The following CBLL2 variants were observed in gnomAD, a reference collection of about 807,000 sequenced individuals.
The protein encoded by CBLL2 is E3 ubiquitin-protein ligase CBLL2.
For missense variants in CBLL2, 347 were observed against 343.2 expected (o/e 1.01, Z -0.09); for synonymous variants, 123 against 124.9 (o/e 0.98, Z 0.10).
At position 22,273,363 on chromosome X, in the gene CBLL2, C is replaced by T. The variant is rs765752654; in HGVS notation, c.372C>T (p.Tyr124=). The stretch of plus-strand genomic sequence containing the variant: ...TTGTTCAGCAGTGCAAGAGAACATA[C>T]TTGTCTCAGAAAAGCTTACAGGCTC... ...CSIVQQCKRT[Y]LSQKSLQAHI... is the part of the protein sequence containing the mutation. Residue 124 remains tyrosine, a synonymous_variant, in exon 1 of 1, where the codon TAC becomes TAT. Coordinates refer to ENST00000323684, the MANE Select transcript of CBLL2 (RefSeq NM_152577.4). The T allele has an allele frequency of 8.3e-7, 1 of 1,211,903 alleles. No homozygotes were observed. Among genetic ancestry groups the T allele is most frequent in the South Asian group, 1.8e-5 (1 of 56,975 alleles).
chrX:22,274,416 C>T lies in CBLL2; in HGVS notation c.*147C>T, dbSNP rs925030495. 7 of 425,882 alleles carry T rather than the reference C, an allele frequency of 1.6e-5. No homozygotes were observed. In the South Asian group the frequency reaches 4.6e-4, roughly 28 times the overall value. 35.1% of individuals were successfully genotyped at this position (425,882 alleles called of 1,213,427 possible). A position where few individuals can be genotyped will look rare whatever the true frequency, so the allele number is the denominator to read the frequency against. ...TGTGGTAAATTGACCTAAAGGTGAC[C>T]TCTGACGATTTCCTGAAATAAATAT... On this transcript the variant is annotated 3_prime_UTR_variant, in exon 1 of 1. Coordinates refer to ENST00000323684, the MANE Select transcript of CBLL2 (RefSeq NM_152577.4).
In CBLL2 at chrX:22,274,282, T is replaced by C. The variant is rs1410065475; in HGVS notation, c.*13T>C. 8.5e-7 allele frequency: 1 copy of C among 1,180,697 alleles called. No individual in the cohort carries two copies. The highest frequency in any genetic ancestry group is 1.1e-6 in the Non-Finnish European group (1 of 877,056). On this transcript the variant is annotated 3_prime_UTR_variant, in exon 1 of 1. Coordinates refer to ENST00000323684, the MANE Select transcript of CBLL2 (RefSeq NM_152577.4). The stretch of plus-strand genomic sequence containing the variant: ...TAGACGGTATTAAGGATGATAACAG[T>C]ATTTGGAACTGAAGACCTGATGGGA...
At position 22,273,828 on chromosome X, in the gene CBLL2, A is replaced by G; in HGVS notation, c.837A>G (p.Lys279=). The G allele has an allele frequency of 8.3e-7, 1 of 1,211,130 alleles. No individual in the cohort carries two copies. The highest frequency in any genetic ancestry group is 1.1e-6 in the Non-Finnish European group (1 of 895,348). The change falls in exon 1 of 1, where the codon AAA becomes AAG. Residue 279 remains lysine (K), a synonymous_variant. Coordinates refer to ENST00000323684, the MANE Select transcript of CBLL2 (RefSeq NM_152577.4). ...CCCCTCATCATATTATACCTCAGAA[A>G]CAGCATTATGCGCCACCTCCATCTC... ...VSSPHHIIPQ[K]QHYAPPPSPS... is the part of the protein sequence containing the mutation.
Position 22,273,206 on chromosome X carries a change from C to T in CBLL2, c.215C>T (p.Pro72Leu), listed in dbSNP as rs759730992. 8.3e-7 allele frequency: 1 copy of T among 1,210,642 alleles called. No homozygotes were observed. Among genetic ancestry groups the T allele is most frequent in the Non-Finnish European group, 1.1e-6 (1 of 894,862 alleles). Residue 72 changes from proline to leucine, a missense_variant, in exon 1 of 1, where the codon CCG becomes CTG. By Grantham distance (98) the Pro-to-Leu change is moderately conservative (BLOSUM62 -3). Coordinates refer to ENST00000323684, the MANE Select transcript of CBLL2 (RefSeq NM_152577.4). Reference protein sequence around the residue: ...LPIKIYGRIIPCKHAFCYHCA... With the variant: ...LPIKIYGRIILCKHAFCYHCA... ...ATTAAAATCTATGGGCGAATAATTC[C>T]GTGCAAGCATGCTTTTTGCTATCAC...
rs1028728484 is a variant in CBLL2, at chrX:22,274,346, G to A, written c.*77G>A. On this transcript the variant is annotated 3_prime_UTR_variant, in exon 1 of 1. Transcript: ENST00000323684. The stretch of plus-strand genomic sequence containing the variant: ...GTTCTATACTGTACTGTGGATAAGC[G>A]GCTCAGTTCAGCAGAGCTGGAGTTG... 85 of 956,894 alleles carry A rather than the reference G, an allele frequency of 8.9e-5. No individual in the cohort carries two copies. The highest frequency in any genetic ancestry group is 1.1e-4 in the Non-Finnish European group (80 of 701,954). 78.9% of individuals were successfully genotyped at this position (956,894 alleles called of 1,213,427 possible).
In CBLL2 at chrX:22,273,021, A is replaced by G. The variant is rs1192007984; in HGVS notation, c.30A>G (p.Glu10=). The G allele has an allele frequency of 8.4e-7, 1 of 1,193,127 alleles. No homozygotes were observed. Among genetic ancestry groups the G allele is most frequent in the Non-Finnish European group, 1.1e-6 (1 of 888,038 alleles). The change falls in exon 1 of 1, where the codon GAA becomes GAG. Residue 10 remains glutamate (E), a synonymous_variant. Coordinates refer to ENST00000323684, the MANE Select transcript of CBLL2 (RefSeq NM_152577.4). MNKMPAGEQ[E]CEYNKEGKYY... ...ACAAGATGCCTGCTGGTGAACAAGA[A>G]TGTGAATATAACAAAGAAGGGAAGT...
chrX:22,273,205 C>A lies in CBLL2; in HGVS notation c.214C>A (p.Pro72Thr). Residue 72 changes from proline (P) to threonine (T), a missense_variant, in exon 1 of 1, where the codon CCG (proline) becomes ACG (threonine). Pro to Thr is a conservative substitution (Grantham distance 38). Coordinates refer to ENST00000323684, the MANE Select transcript of CBLL2 (RefSeq NM_152577.4). ...TATTAAAATCTATGGGCGAATAATT[C>A]CGTGCAAGCATGCTTTTTGCTATCA... is the stretch of plus-strand genomic sequence containing the variant. ...LPIKIYGRII[P>T]CKHAFCYHCA... The A allele has an allele frequency of 2.5e-6, 3 of 1,210,916 alleles. No individual in the cohort carries two copies. The highest frequency in any genetic ancestry group is 2.2e-6 in the Non-Finnish European group (2 of 895,016).
rs1936782175 is a variant in CBLL2, at chrX:22,273,359, C to T, written c.368C>T (p.Thr123Ile). ...MCSIVQQCKR[T>I]YLSQKSLQAH... ...AGTATTGTTCAGCAGTGCAAGAGAA[C>T]ATACTTGTCTCAGAAAAGCTTACAG... Residue 123 changes from threonine (T) to isoleucine (I), a missense_variant, in exon 1 of 1, where the codon ACA (threonine) becomes ATA (isoleucine). Transcript: ENST00000323684. The T allele has an allele frequency of 8.3e-7, 1 of 1,211,887 alleles. No homozygotes were observed. The highest frequency in any genetic ancestry group is 1.1e-6 in the Non-Finnish European group (1 of 895,548).
chrX:22,274,123 C>G lies in CBLL2; in HGVS notation c.1132C>G (p.Gln378Glu). 2 of 1,211,910 alleles carry G rather than the reference C, an allele frequency of 1.7e-6. No homozygotes were observed. The highest frequency in any genetic ancestry group is 2.2e-6 in the Non-Finnish European group (2 of 895,592). ...CGAAAATCAAGAAACCTTGAGCCCT[C>G]AGTTTACACAAACAGATGCAATGGA... Reference protein sequence around the residue: ...FTENQETLSPQFTQTDAMDHR... With the variant: ...FTENQETLSPEFTQTDAMDHR... The change falls in exon 1 of 1, where the codon CAG becomes GAG. Residue 378 changes from glutamine to glutamate, a missense_variant. Gln to Glu is a conservative substitution (Grantham distance 29, BLOSUM62 2). Coordinates refer to ENST00000323684, the MANE Select transcript of CBLL2 (RefSeq NM_152577.4).
At position 22,273,548 on chromosome X, in the gene CBLL2, C is replaced by A. The variant is rs1208174689; in HGVS notation, c.557C>A (p.Thr186Asn). The A allele has an allele frequency of 3.3e-6, 4 of 1,211,043 alleles. No homozygotes were observed. The change falls in exon 1 of 1, where the codon ACC becomes AAC. Residue 186 changes from threonine (T) to asparagine (N), a missense_variant. Coordinates refer to ENST00000323684, the MANE Select transcript of CBLL2 (RefSeq NM_152577.4). ...AGCTATATTCCACCAGAACAGCACA[C>A]CATGGTGTCACTACCGTCTGTGCAA... is the stretch of plus-strand genomic sequence containing the variant. ...HLSYIPPEQH[T>N]MVSLPSVQHM...
At position 22,273,883 on chromosome X, in the gene CBLL2, T is replaced by G. The variant is rs1330441699; in HGVS notation, c.892T>G (p.Tyr298Asp). ...ATCACCAGTAAACCATCAAATGCCA[T>G]ATCCTCCTCAGGATGTAGTTACTCC... is the stretch of plus-strand genomic sequence containing the variant. ...PSSPVNHQMP[Y>D]PPQDVVTPNS... Residue 298 changes from tyrosine (Y) to aspartate (D), a missense_variant, in exon 1 of 1, where the codon TAT (tyrosine) becomes GAT (aspartate). Coordinates refer to ENST00000323684, the MANE Select transcript of CBLL2 (RefSeq NM_152577.4). The G allele has an allele frequency of 8.3e-7, 1 of 1,208,897 alleles. No homozygotes were observed. Among genetic ancestry groups the G allele is most frequent in the South Asian group, 1.8e-5 (1 of 56,709 alleles).
In CBLL2 at chrX:22,273,986, C is replaced by T. The variant is rs758391803; in HGVS notation, c.995C>T (p.Pro332Leu). ...PSSGYIIVKV[P>L]PDMNSPPLRA... is the part of the protein sequence containing the mutation. ...TCTGGATATATTATTGTAAAGGTGC[C>T]ACCTGATATGAATTCTCCTCCACTA... Residue 332 changes from proline (P) to leucine (L), a missense_variant, in exon 1 of 1, where the codon CCA becomes CTA. Pro to Leu is a moderately conservative substitution (Grantham distance 98). Coordinates refer to ENST00000323684, the MANE Select transcript of CBLL2 (RefSeq NM_152577.4). The T allele has an allele frequency of 1.7e-6, 2 of 1,211,657 alleles. No individual in the cohort carries two copies. Among genetic ancestry groups the T allele is most frequent in the East Asian group, 5.9e-5 (2 of 33,838 alleles).
Position 22,273,462 on chromosome X carries a change from T to C in CBLL2, c.471T>C (p.Ile157=). The C allele has an allele frequency of 8.3e-7, 1 of 1,211,752 alleles. No individual in the cohort carries two copies. The highest frequency in any genetic ancestry group is 1.1e-6 in the Non-Finnish European group (1 of 895,552). The change falls in exon 1 of 1, where the codon ATT becomes ATC. Residue 157 remains isoleucine, a synonymous_variant. Transcript: ENST00000323684. ...SASLEKVRPH[I]APPQTEISDI... ...CGCTTGAAAAAGTTCGTCCTCATAT[T>C]GCTCCGCCACAAACTGAAATCTCTG...
chrX:22,272,923 A>T lies in CBLL2; in HGVS notation c.-69A>T. The T allele has an allele frequency of 1.0e-6, 1 of 989,577 alleles. No individual in the cohort carries two copies. The highest frequency in any genetic ancestry group is 2.3e-5 in the South Asian group (1 of 42,803). 81.6% of individuals were successfully genotyped at this position (989,577 alleles called of 1,213,427 possible). Reference sequence around the variant, plus strand: ...CGTTGGGTGGCCTTCACGTTAGCAGAAGAATTCCTTTAAACGTCATTTTTG... The same window carrying T: ...CGTTGGGTGGCCTTCACGTTAGCAGTAGAATTCCTTTAAACGTCATTTTTG... On this transcript the variant is annotated 5_prime_UTR_variant, in exon 1 of 1. Coordinates refer to ENST00000323684, the MANE Select transcript of CBLL2 (RefSeq NM_152577.4).
chrX:22,273,467 C>T lies in CBLL2; in HGVS notation c.476C>T (p.Pro159Leu), dbSNP rs766786548. The T allele has an allele frequency of 9.9e-6, 12 of 1,209,515 alleles. No homozygotes were observed. In the Admixed American group the frequency reaches 1.1e-4, roughly 11 times the overall value. Residue 159 changes from proline (P) to leucine (L), a missense_variant, in exon 1 of 1, where the codon CCG (proline) becomes CTG (leucine). Pro to Leu is a moderately conservative substitution (Grantham distance 98, BLOSUM62 -3). Coordinates refer to ENST00000323684, the MANE Select transcript of CBLL2 (RefSeq NM_152577.4). ...GAAAAAGTTCGTCCTCATATTGCTCCGCCACAAACTGAAATCTCTGACATC... is the reference window on the plus strand; with the variant it reads ...GAAAAAGTTCGTCCTCATATTGCTCTGCCACAAACTGAAATCTCTGACATC... ...SLEKVRPHIAPPQTEISDIPK... is the reference protein window; with the variant it reads ...SLEKVRPHIALPQTEISDIPK...
At position 22,273,484 on chromosome X, in the gene CBLL2, T is replaced by C; in HGVS notation, c.493T>C (p.Ser165Pro). The C allele has an allele frequency of 8.3e-7, 1 of 1,211,636 alleles. No homozygotes were observed. Among genetic ancestry groups the C allele is most frequent in the Non-Finnish European group, 1.1e-6 (1 of 895,536 alleles). ...PHIAPPQTEISDIPKRLQDRD... is the reference protein window; with the variant it reads ...PHIAPPQTEIPDIPKRLQDRD... ...TATTGCTCCGCCACAAACTGAAATCTCTGACATCCCTAAAAGACTGCAAGA... is the reference window on the plus strand; with the variant it reads ...TATTGCTCCGCCACAAACTGAAATCCCTGACATCCCTAAAAGACTGCAAGA... The change falls in exon 1 of 1, where the codon TCT (serine) becomes CCT (proline). Residue 165 changes from serine (S) to proline (P), a missense_variant. Transcript: ENST00000323684.
In CBLL2 at chrX:22,273,844, C is replaced by T; in HGVS notation, c.853C>T (p.Pro285Ser). 1 of 1,211,289 alleles carries T rather than the reference C, an allele frequency of 8.3e-7. No individual in the cohort carries two copies. The highest frequency in any genetic ancestry group is 1.1e-6 in the Non-Finnish European group (1 of 895,394). ...IIPQKQHYAPPPSPSSPVNHQ... is the reference protein window; with the variant it reads ...IIPQKQHYAPSPSPSSPVNHQ... Reference sequence around the variant, plus strand: ...ACCTCAGAAACAGCATTATGCGCCACCTCCATCTCCATCATCACCAGTAAA... The same window carrying T: ...ACCTCAGAAACAGCATTATGCGCCATCTCCATCTCCATCATCACCAGTAAA... Residue 285 changes from proline (P) to serine (S), a missense_variant, in exon 1 of 1, where the codon CCT (proline) becomes TCT (serine). By Grantham distance (74) the Pro-to-Ser change is moderately conservative (BLOSUM62 -1). Transcript: ENST00000323684.
rs138094158 is a variant in CBLL2 at position 22,273,825 on chromosome X, G to A, written c.834G>A (p.Gln278=). 3,646 of 1,208,944 alleles carry A rather than the reference G, an allele frequency of 3.0e-3. 7 individuals are homozygous for A. The highest frequency in any genetic ancestry group is 3.7e-3 in the Non-Finnish European group (3,352 of 895,003). The change falls in exon 1 of 1, where the codon CAG becomes CAA. Residue 278 remains glutamine (Q), a synonymous_variant. Coordinates refer to ENST00000323684, the MANE Select transcript of CBLL2 (RefSeq NM_152577.4). ...CGTCCCCTCATCATATTATACCTCA[G>A]AAACAGCATTATGCGCCACCTCCAT... ...AVSSPHHIIP[Q]KQHYAPPPSP... is the part of the protein sequence containing the mutation.
chrX:22,273,038 A>C lies in CBLL2; in HGVS notation c.47A>C (p.Glu16Ala). The stretch of plus-strand genomic sequence containing the variant: ...GAACAAGAATGTGAATATAACAAAG[A>C]AGGGAAGTACTACTCTAAAGGAGTT... ...AGEQECEYNK[E>A]GKYYSKGVKL... Residue 16 changes from glutamate (E) to alanine (A), a missense_variant, in exon 1 of 1, where the codon GAA becomes GCA. Physicochemically the swap from Glu to Ala is moderately radical, Grantham distance 107. Coordinates refer to ENST00000323684, the MANE Select transcript of CBLL2 (RefSeq NM_152577.4). The C allele has an allele frequency of 1.7e-6, 2 of 1,200,706 alleles. No homozygotes were observed. Among genetic ancestry groups the C allele is most frequent in the Non-Finnish European group, 2.2e-6 (2 of 891,640 alleles).
Sources: gnomAD v4.1 joint callset for allele counts on GRCh38, gnomAD v4.1.1 for gene constraint, MANE v1.5 for transcripts, NCBI Gene and HGNC (gene_info 2026-07-23, HGNC 2026-07-21) for gene names.